Variants in NR2F1-AS1 observed in about 807,000 individuals in gnomAD.
NR2F1-AS1 encodes NR2F1 regulatory antisense RNA 1, also known as NR2F1 antisense RNA 1.
At chr5:93,472,602 T>C (rs1045344569) in intron 4 of NR2F1-AS1, among the ~76,000 whole-genome samples, 1 of 151,800 alleles carries the variant, frequency 6.6e-6, no homozygotes, top group Non-Finnish European at 1.5e-5. Flanking sequence ...AGACTACTAA[T>C]CATTAGGTAG....
At chr5:93,440,124 G>A (rs375091131) in intron 4 of NR2F1-AS1, among the ~76,000 whole-genome samples, 231 of 152,132 alleles carry the variant, frequency 1.5e-3, no homozygotes, top group African/African-American at 4.3e-3. Context: ...AGGCTGTGGA[G>A]TTTTTCTTAT....
At chr5:93,553,110 T>A (rs1244347230) in intron 4 of NR2F1-AS1, among the ~76,000 whole-genome samples, 1 of 151,220 alleles carries the variant, frequency 6.6e-6, no homozygotes, top group Admixed American at 6.6e-5. Flanking sequence ...TGAAATTTCC[T>A]GATATCAGTA....
At chr5:93,490,561 G>C (rs1218089626) in intron 4 of NR2F1-AS1, among the ~76,000 whole-genome samples, 1 of 151,264 alleles carries the variant, frequency 6.6e-6, no homozygotes, top group African/African-American at 2.4e-5. Context: ...TGGTCATGGT[G>C]GTGATGGGAG....
chr5:93,526,284 C>A (rs1470963128), intron 4 of NR2F1-AS1, among the ~76,000 whole-genome samples: 3 of 151,708 alleles, frequency 2.0e-5, no homozygotes, highest in African/African-American at 7.3e-5. Flanking sequence ...ACACATACAC[C>A]CTCCCAATAT....
At chr5:93,529,448 A>G (rs1054515120) in intron 4 of NR2F1-AS1, among the ~76,000 whole-genome samples, 1 of 152,180 alleles carries the variant, frequency 6.6e-6, no homozygotes, top group Non-Finnish European at 1.5e-5. Flanking sequence ...TGAAGCAGAA[A>G]TTTGACCAAA....
At chr5:93,553,782 AGTT>A (rs910637186) in exon 4 of NR2F1-AS1, 2 of 152,208 alleles carry the variant, frequency 1.3e-5, no homozygotes, top group African/African-American at 4.8e-5. Flanking sequence ...ATGAGCTGCA[AGTT>A]GTTGTTCCAT....
intron 4 of NR2F1-AS1, among the ~76,000 whole-genome samples, chr5:93,540,592 T>C (rs1002712898): frequency 6.6e-6 from 1 of 152,214 alleles, no homozygotes. Flanking sequence ...TGCAAATAGA[T>C]AGAGGTAGTT....
At chr5:93,532,162 C>T (rs1436078544) in intron 4 of NR2F1-AS1, among the ~76,000 whole-genome samples, 1 of 152,072 alleles carries the variant, frequency 6.6e-6, no homozygotes, top group Non-Finnish European at 1.5e-5. Flanking sequence ...ACAATTGTCC[C>T]AAGTTTTTCT....
rs144758145 is a variant in NR2F1-AS1, at chr5:93,415,026, G to T, written n.639-19484C>A. Among the ~76,000 whole-genome samples the T allele has an allele frequency of 1.1e-3, 170 of 152,238 alleles. 1 individual carries two copies. The highest frequency in any genetic ancestry group is 1.9e-3 in the Non-Finnish European group (127 of 68,016). ...CAGGGGTAGCAGAGGTTATCAGATA[G>T]AAGTTTACATCTCCCTGACCCAACA... On this transcript the variant is annotated intron_variant and non_coding_transcript_variant, in intron 4 of 5. Coordinates refer to ENST00000660523, the Ensembl canonical transcript of NR2F1-AS1.
intron 4 of NR2F1-AS1, among the ~76,000 whole-genome samples, chr5:93,546,367 A>G (rs914021104): frequency 1.3e-5 from 2 of 152,210 alleles, no homozygotes; most frequent in Admixed American, 6.5e-5. Context: ...CTAGAAAGCA[A>G]TATCAAAGAA....
At chr5:93,483,487 A>G (rs11952600) in intron 4 of NR2F1-AS1, among the ~76,000 whole-genome samples, 30,282 of 152,140 alleles carry the variant, frequency 0.2, 4,525 homozygotes, top group African/African-American at 0.42. Context: ...TCATGAAGAT[A>G]AGGAAAAAAC....
intron 4 of NR2F1-AS1, among the ~76,000 whole-genome samples, chr5:93,484,164 T>C (rs1232069912): frequency 6.6e-6 from 1 of 151,770 alleles, no homozygotes; most frequent in East Asian, 1.9e-4. Flanking sequence ...TTCACCAAGG[T>C]TGAAATGAAG....
chr5:93,433,149 C>T (rs1404695573), intron 4 of NR2F1-AS1, among the ~76,000 whole-genome samples: 1 of 152,150 alleles, frequency 6.6e-6, no homozygotes, highest in Non-Finnish European at 1.5e-5. Context: ...AGACTAATTT[C>T]CCCACTTTTG....
At chr5:93,574,937 G>A (rs1752862970) in intron 1 of NR2F1-AS1, among the ~76,000 whole-genome samples, 1 of 152,230 alleles carries the variant, frequency 6.6e-6, no homozygotes, top group Non-Finnish European at 1.5e-5. Context: ...AGAATTGAGG[G>A]TGGGAAGGAG....
At chr5:93,448,715 T>TGTTCCAGCTCAAGTAGTCAG in intron 4 of NR2F1-AS1, among the ~76,000 whole-genome samples, 1 of 152,238 alleles carries the variant, frequency 6.6e-6, no homozygotes, top group East Asian at 1.9e-4. Context: ...AAAAGACCAC[T>TGTTCCAGCTCAAGTAGTCAG]GTTCCAGCTC....
At chr5:93,531,688 A>G (rs1561486223) in intron 4 of NR2F1-AS1, among the ~76,000 whole-genome samples, 1 of 152,158 alleles carries the variant, frequency 6.6e-6, no homozygotes, top group Non-Finnish European at 1.5e-5. Context: ...AGTGCCTCAC[A>G]TCTTTATTAA....
At chr5:93,582,348 G>A (rs1468897853), upstream of NR2F1-AS1, among the ~76,000 whole-genome samples, 3 of 151,900 alleles carry the variant, frequency 2.0e-5, no homozygotes, top group African/African-American at 7.2e-5. Context: ...GGGATAAATA[G>A]GAACCCTTGA....
intron 4 of NR2F1-AS1, among the ~76,000 whole-genome samples, chr5:93,430,924 T>C (rs1561433047): frequency 6.9e-6 from 1 of 144,174 alleles, no homozygotes. Context: ...CCATCCAGTG[T>C]GCCTGCCAGG....
chr5:93,489,700 A>G (rs1750797666), intron 4 of NR2F1-AS1, among the ~76,000 whole-genome samples: 1 of 152,154 alleles, frequency 6.6e-6, no homozygotes, highest in African/African-American at 2.4e-5. Context: ...TGCTCAAAAA[A>G]GCCATTTGTT....
Sources: gnomAD v4.1 joint callset for allele counts (sites outside exome capture counted in the v4.1 genomes callset) on GRCh38, gnomAD v4.1.1 for gene constraint, MANE v1.5 for transcripts, NCBI Gene and HGNC (gene_info 2026-07-23, HGNC 2026-07-21) for gene names.